DOCK2: variants seen among roughly 807,000 people sequenced by gnomAD.
The protein encoded by DOCK2 is dedicator of cytokinesis protein 2.
In DOCK2, 87 loss-of-function variants were observed where a neutral mutation model predicts 248.9. The observed-to-expected ratio is 0.35, with a 90% CI of 0.29 to 0.42. The LOEUF (loss-of-function observed/expected upper bound fraction) is 0.42. DOCK2 is among the 10% of genes least tolerant of loss of function. DOCK2 has a pLI of 1.00. For missense variants in DOCK2, 1,747 were observed against 2,300.2 expected (o/e 0.76, Z 4.92); for synonymous variants, 805 against 821.6 (o/e 0.98, Z 0.35).
At chr5:169,901,908 C>T (rs1344356829) in intron 27 of DOCK2, among the ~76,000 whole-genome samples, 1 of 152,200 alleles carries the variant, frequency 6.6e-6, no homozygotes, top group African/African-American at 2.4e-5. Context: ...CTTGCAAGAA[C>T]ACATGGCTCT....
At chr5:170,059,106 C>T (rs2113860295) in intron 44 of DOCK2, among the ~76,000 whole-genome samples, 1 of 152,192 alleles carries the variant, frequency 6.6e-6, no homozygotes, top group Admixed American at 6.5e-5. Context: ...TAGGGTATGA[C>T]TTTAACCTCC....
chr5:169,734,363 T>A (rs2113636897), intron 22 of DOCK2, among the ~76,000 whole-genome samples: 1 of 152,344 alleles, frequency 6.6e-6, no homozygotes, highest in African/African-American at 2.4e-5. Context: ...AGTGGGAATC[T>A]TTGTGGGTTC....
At chr5:169,983,235 CAG>C in intron 28 of DOCK2, 69 bp downstream of exon 28, 3 of 1,469,670 alleles carry the variant, frequency 2.0e-6, no homozygotes, top group South Asian at 1.1e-5. Flanking sequence ...CTGTCCCTGT[CAG>C]AGAGACCTGC....
At chr5:170,005,755 AAAG>A (rs1561876640) in intron 30 of DOCK2, among the ~76,000 whole-genome samples, 1 of 152,252 alleles carries the variant, frequency 6.6e-6, no homozygotes, top group Non-Finnish European at 1.5e-5. Flanking sequence ...TTTTTAAAAA[AAAG>A]AAAATCAGGA....
At chr5:169,969,746 C>T (rs992374587) in intron 27 of DOCK2, among the ~76,000 whole-genome samples, 3 of 152,160 alleles carry the variant, frequency 2.0e-5, no homozygotes, top group Admixed American at 1.3e-4. Context: ...TGAGGGGTTT[C>T]CCAGGAAAAG....
chr5:170,050,220 G>T (rs764849191), intron 40 of DOCK2, 36 bp from the exon 41 acceptor site: 2 of 1,608,036 alleles, frequency 1.2e-6, no homozygotes, highest in South Asian at 2.2e-5. Flanking sequence ...TCACACCTGG[G>T]TCCCCAAATC....
At chr5:169,799,413 A>C (rs760315345) in intron 25 of DOCK2, among the ~76,000 whole-genome samples, 4 of 152,198 alleles carry the variant, frequency 2.6e-5, no homozygotes, top group Non-Finnish European at 5.9e-5. Flanking sequence ...TCCCAATGAC[A>C]AAGCATTTAC....
At chr5:169,639,808 C>T (rs1171212866) in intron 1 of DOCK2, among the ~76,000 whole-genome samples, 2 of 152,192 alleles carry the variant, frequency 1.3e-5, no homozygotes, top group African/African-American at 4.8e-5. Context: ...TAGGAGTTCT[C>T]TTCATAAGTA....
rs578135843 is a variant in DOCK2, at chr5:169,641,366, C to T, written c.43+3997C>T. ...TTGGGGAATATGGAGGAATCCATAA[C>T]CAGCTCGTGGTTCAGGGATGTGGGT... is the stretch of plus-strand genomic sequence containing the variant. On this transcript the variant is annotated intron_variant, in intron 1 of 51. Transcript: ENST00000520908. 5.3e-5 allele frequency among the ~76,000 whole-genome samples: 8 copies of T among 152,300 alleles called. No homozygotes were observed. The East Asian group carries it at 1.5e-3, about 29-fold the overall frequency.
At chr5:169,852,594 C>T (rs1770672793) in intron 27 of DOCK2, among the ~76,000 whole-genome samples, 1 of 152,222 alleles carries the variant, frequency 6.6e-6, no homozygotes, top group Admixed American at 6.5e-5. Flanking sequence ...ATGGTCATTA[C>T]CTGCCAAGCT....
At chr5:169,955,107 T>A (rs1271745032) in intron 27 of DOCK2, among the ~76,000 whole-genome samples, 1 of 152,110 alleles carries the variant, frequency 6.6e-6, no homozygotes, top group African/African-American at 2.4e-5. Context: ...GGCAACCCCA[T>A]AACCTTGCAG....
intron 27 of DOCK2, among the ~76,000 whole-genome samples, chr5:169,851,977 C>T (rs1327512956): frequency 1.3e-5 from 2 of 152,140 alleles, no homozygotes; most frequent in African/African-American, 4.8e-5. Flanking sequence ...ATCACCATGC[C>T]TCGTGTTTCT....
At chr5:170,065,394 T>A (rs189301128) in intron 44 of DOCK2, among the ~76,000 whole-genome samples, 32 of 152,296 alleles carry the variant, frequency 2.1e-4, no homozygotes, top group African/African-American at 6.5e-4. Context: ...CATTAGTAAG[T>A]CCTTACCTAT....
intron 27 of DOCK2, among the ~76,000 whole-genome samples, chr5:169,872,105 C>T (rs192559960): frequency 2.6e-5 from 4 of 152,256 alleles, no homozygotes; most frequent in Admixed American, 2.6e-4. Context: ...ATGGCGTCTC[C>T]CTGAAGACAA....
At chr5:170,050,781 A>G (rs1252189013) in intron 41 of DOCK2, among the ~76,000 whole-genome samples, 1 of 152,092 alleles carries the variant, frequency 6.6e-6, no homozygotes, top group African/African-American at 2.4e-5. Flanking sequence ...AATATTTGAG[A>G]TGAGATCCAA....
intron 15 of DOCK2, among the ~76,000 whole-genome samples, chr5:169,710,379 C>G (rs952924226): frequency 1.3e-5 from 2 of 152,172 alleles, no homozygotes; most frequent in Non-Finnish European, 2.9e-5. Context: ...CAAGCTGCAC[C>G]ATTCTACTCA....
At chr5:170,003,096 G>A (rs1015291616) in intron 30 of DOCK2, among the ~76,000 whole-genome samples, 1 of 152,212 alleles carries the variant, frequency 6.6e-6, no homozygotes, top group African/African-American at 2.4e-5. Context: ...CTTACAATTG[G>A]AGAAGACAGG....
intron 25 of DOCK2, among the ~76,000 whole-genome samples, chr5:169,799,500 G>A (rs1333840245): frequency 1.3e-5 from 2 of 152,054 alleles, no homozygotes; most frequent in Non-Finnish European, 2.9e-5. Context: ...ACAAAAGATT[G>A]CAAAATTACA....
At chr5:169,953,321 A>G (rs572646520) in intron 27 of DOCK2, among the ~76,000 whole-genome samples, 1 of 142,352 alleles carries the variant, frequency 7.0e-6, no homozygotes, top group East Asian at 2.2e-4. Flanking sequence ...TGACAGAGCA[A>G]GACTCTATCT....
Sources: gnomAD v4.1 joint callset for allele counts (sites outside exome capture counted in the v4.1 genomes callset) on GRCh38, gnomAD v4.1.1 for gene constraint, MANE v1.5 for transcripts, NCBI Gene and HGNC (gene_info 2026-07-23, HGNC 2026-07-21) for gene names.